Variants in NKAIN3 observed in about 807,000 individuals in gnomAD.
The protein encoded by NKAIN3 is sodium/potassium transporting ATPase interacting 3.
A neutral mutation model predicts 30.2 loss-of-function variants in NKAIN3; 25 were observed. That is an observed-to-expected ratio of 0.83 (90% CI 0.60 to 1.16). The LOEUF is 1.16. Ranked by LOEUF, NKAIN3 falls within the 50% of genes most tolerant of loss-of-function variation. The pLI, the probability that NKAIN3 is intolerant of heterozygous loss-of-function variation, is 0.00. For missense variants in NKAIN3, 225 were observed against 254.1 expected (o/e 0.89, Z 0.78); for synonymous variants, 91 against 89.6 (o/e 1.02, Z -0.09).
rs185190034 is a variant in NKAIN3 at position 62,290,876 on chromosome 8, T to G, written c.54+41749T>G. Among the ~76,000 whole-genome samples, 473 of 152,308 alleles carry G rather than the reference T, an allele frequency of 3.1e-3. 4 individuals are homozygous for G. Among genetic ancestry groups the G allele is most frequent in the African/African-American group, 0.011 (462 of 41,546 alleles). On this transcript the variant is annotated intron_variant, in intron 1 of 6. Transcript: ENST00000623646. ...GTGAATCCATCTGGTCCTGGACTTT[T>G]TTTGGTTGGTAGGCTATTCATTATT...
At chr8:62,854,441 C>A (rs2130779224) in intron 4 of NKAIN3, among the ~76,000 whole-genome samples, 1 of 152,278 alleles carries the variant, frequency 6.6e-6, no homozygotes, top group Non-Finnish European at 1.5e-5. Context: ...AAACCTTTGC[C>A]ATTATGTAAT....
chr8:62,847,710 T>A (rs1210116113), intron 4 of NKAIN3, among the ~76,000 whole-genome samples: 1 of 152,152 alleles, frequency 6.6e-6, no homozygotes, highest in Non-Finnish European at 1.5e-5. Flanking sequence ...CAATTTTTGC[T>A]TTTTTTGCAA....
At chr8:62,899,401 TA>T (rs1256644443) in intron 4 of NKAIN3, among the ~76,000 whole-genome samples, 7 of 152,052 alleles carry the variant, frequency 4.6e-5, no homozygotes, top group Non-Finnish European at 7.4e-5. Flanking sequence ...TGTTCAGCCA[TA>T]AAAAAAGAAT....
Position 62,306,160 on chromosome 8 carries a change from T to C in NKAIN3, c.54+57033T>C, listed in dbSNP as rs968805677. Among the ~76,000 whole-genome samples the C allele has an allele frequency of 1.3e-4, 20 of 150,536 alleles. 1 individual carries two copies. Among genetic ancestry groups the C allele is most frequent in the Admixed American group, 1.2e-3 (18 of 15,198 alleles). Reference sequence around the variant, plus strand: ...CCATTAATTCAATTCTGCTTGTACTTTATCTTAGTATTTACTTCCTCTTTA... The same window carrying C: ...CCATTAATTCAATTCTGCTTGTACTCTATCTTAGTATTTACTTCCTCTTTA... On this transcript the variant is annotated intron_variant, in intron 1 of 6. Transcript: ENST00000623646.
intron 1 of NKAIN3, among the ~76,000 whole-genome samples, chr8:62,306,138 T>G (rs1182234631): frequency 6.6e-6 from 1 of 150,648 alleles, no homozygotes; most frequent in Non-Finnish European, 1.5e-5. Context: ...ATACCTGCCA[T>G]TAATTCAATT....
intron 5 of NKAIN3, among the ~76,000 whole-genome samples, chr8:62,933,786 G>A (rs922082850): frequency 6.6e-6 from 1 of 152,132 alleles, no homozygotes; most frequent in African/African-American, 2.4e-5. Context: ...GAAAAGGTAG[G>A]TGTTTTCAAG....
At chr8:62,351,485 TTTATA>T (rs1816177185) in intron 1 of NKAIN3, among the ~76,000 whole-genome samples, 2 of 149,494 alleles carry the variant, frequency 1.3e-5, no homozygotes, top group Admixed American at 6.7e-5. Context: ...GGCCTGACTG[TTTATA>T]TTATAATATA....
chr8:62,705,413 A>T (rs976585546), intron 3 of NKAIN3, among the ~76,000 whole-genome samples: 38 of 152,182 alleles, frequency 2.5e-4, no homozygotes, highest in African/African-American at 9.2e-4. Flanking sequence ...TGGACCTAGC[A>T]ATTGGCGCAG....
At chr8:62,278,616 A>G (rs534068147) in intron 1 of NKAIN3, among the ~76,000 whole-genome samples, 2 of 152,078 alleles carry the variant, frequency 1.3e-5, no homozygotes, top group Non-Finnish European at 2.9e-5. Flanking sequence ...CCTATGAGTG[A>G]GAACATGTGG....
intron 1 of NKAIN3, among the ~76,000 whole-genome samples, chr8:62,489,388 T>C (rs756777956): frequency 2.6e-5 from 4 of 152,166 alleles, no homozygotes; most frequent in Non-Finnish European, 5.9e-5. Flanking sequence ...TTTTTAAAAA[T>C]TGTCTATAGC....
rs1823886146 is a variant in NKAIN3 at position 62,973,839 on chromosome 8, G to A, written c.*8432G>A. ...TTTAAGCCATCTTGAGTTAATTTTT[G>A]TACAAGATGTAAGGAAGGGGTCCAG... On this transcript the variant is annotated 3_prime_UTR_variant, in exon 7 of 7. Coordinates refer to ENST00000623646, the MANE Select transcript of NKAIN3 (RefSeq NM_001304533.3). Among the ~76,000 whole-genome samples the A allele has an allele frequency of 6.6e-6, 1 of 152,104 alleles. No individual in the cohort carries two copies. Among genetic ancestry groups the A allele is most frequent in the African/African-American group, 2.4e-5 (1 of 41,416 alleles).
chr8:62,755,116 G>A (rs1375296737), intron 4 of NKAIN3, among the ~76,000 whole-genome samples: 4 of 152,164 alleles, frequency 2.6e-5, no homozygotes, highest in East Asian at 1.9e-4. Context: ...TGACCCATGA[G>A]GGTAGTGTTA....
At chr8:62,938,971 G>A (rs568705551) in intron 5 of NKAIN3, among the ~76,000 whole-genome samples, 1 of 152,232 alleles carries the variant, frequency 6.6e-6, no homozygotes, top group South Asian at 2.1e-4. Flanking sequence ...ATCAGAGAGA[G>A]GTGAAGTCCA....
At chr8:62,787,076 A>G (rs1352829841) in intron 4 of NKAIN3, among the ~76,000 whole-genome samples, 6 of 152,182 alleles carry the variant, frequency 3.9e-5, no homozygotes, top group African/African-American at 1.4e-4. Context: ...ACAGAAAAAG[A>G]AAATACTTTT....
chr8:62,506,774 T>C (rs770847287), intron 1 of NKAIN3, among the ~76,000 whole-genome samples: 3 of 151,964 alleles, frequency 2.0e-5, no homozygotes, highest in Non-Finnish European at 4.4e-5. Context: ...TACCCAGCCT[T>C]TTACTGCTTT....
intron 3 of NKAIN3, among the ~76,000 whole-genome samples, chr8:62,706,639 C>T (rs1814530504): frequency 6.6e-6 from 1 of 151,972 alleles, no homozygotes; most frequent in Non-Finnish European, 1.5e-5. Context: ...AGTAATCTAT[C>T]TTAATGAAAG....
intron 1 of NKAIN3, among the ~76,000 whole-genome samples, chr8:62,337,890 G>A (rs7815526): frequency 0.039 from 5,953 of 152,008 alleles, 421 homozygotes; most frequent in African/African-American, 0.14. Flanking sequence ...AAGATGCGGA[G>A]GTCAACAAGC....
chr8:62,535,797 C>G (rs1808642233), intron 1 of NKAIN3, among the ~76,000 whole-genome samples: 1 of 152,026 alleles, frequency 6.6e-6, no homozygotes, highest in Admixed American at 6.6e-5. Context: ...CTTCAGCATT[C>G]CTACTTCCAG....
At chr8:62,662,160 C>T (rs1318129413) in intron 3 of NKAIN3, among the ~76,000 whole-genome samples, 5 of 152,160 alleles carry the variant, frequency 3.3e-5, no homozygotes, top group African/African-American at 7.2e-5. Context: ...CTGTGCTGCA[C>T]GAGAGCCCAG....
Sources: gnomAD v4.1 joint callset for allele counts (sites outside exome capture counted in the v4.1 genomes callset) on GRCh38, gnomAD v4.1.1 for gene constraint, MANE v1.5 for transcripts, NCBI Gene and HGNC (gene_info 2026-07-23, HGNC 2026-07-21) for gene names.